Variants in CNKSR3 observed in about 807,000 individuals in gnomAD.
The protein encoded by CNKSR3 is CNKSR family member 3.
A neutral mutation model predicts 67.7 loss-of-function variants in CNKSR3; 36 were observed. The ratio of observed to expected loss-of-function variants is 0.53; its 90% CI spans 0.41 to 0.70. The LOEUF is 0.70. Ranked by LOEUF, CNKSR3 falls within the 30% of genes least tolerant of loss-of-function variation. The pLI is 0.00. For synonymous variants in CNKSR3, 281 were observed against 271.4 expected (o/e 1.04, Z -0.35); for missense variants, 630 against 695.2 (o/e 0.91, Z 1.05).
intron 4 of CNKSR3, among the ~76,000 whole-genome samples, chr6:154,437,357 G>A (rs1219745232): frequency 6.7e-6 from 1 of 149,252 alleles, no homozygotes; most frequent in Non-Finnish European, 1.5e-5. Context: ...TAATTTGTAT[G>A]TATCTGAGCG....
intron 1 of CNKSR3, among the ~76,000 whole-genome samples, chr6:154,480,353 T>G (rs1237121125): frequency 6.6e-6 from 1 of 152,116 alleles, no homozygotes; most frequent in Non-Finnish European, 1.5e-5. Context: ...TACCATTGAG[T>G]GCTAGAGTGA....
In CNKSR3 at chr6:154,403,758, C is replaced by T. The variant is rs1364934289; in HGVS notation, c.*2596G>A. 1.3e-5 allele frequency: 2 copies of T among 152,162 alleles called. No homozygotes were observed. The highest frequency in any genetic ancestry group is 4.8e-5 in the African/African-American group (2 of 41,424). The allele number at this position is 152,162 out of a possible 1,614,324, so 9.4% of individuals were successfully genotyped here. A position where few individuals can be genotyped will look rare whatever the true frequency, so the allele number is the denominator to read the frequency against. ...ACTCCAGGGAACAAAGGCTGAAAAGCACCAATCTGGTTGGCCACTGCCTAT... is the reference window on the plus strand; with the variant it reads ...ACTCCAGGGAACAAAGGCTGAAAAGTACCAATCTGGTTGGCCACTGCCTAT... On this transcript the variant is annotated 3_prime_UTR_variant, in exon 13 of 13. Transcript: ENST00000607772.
rs1422987163 is a variant in CNKSR3 at position 154,393,546 on chromosome 6, T to G, written c.*12808A>C. Reference sequence around the variant, plus strand: ...CTCTTGCCAATTTGTAATAATTATATGTATATATTCTTACTGCTAACCCTT... The same window carrying G: ...CTCTTGCCAATTTGTAATAATTATAGGTATATATTCTTACTGCTAACCCTT... On this transcript the variant is annotated 3_prime_UTR_variant, in exon 13 of 13. Transcript: ENST00000607772. 3 of 152,266 alleles carry G rather than the reference T, an allele frequency of 2.0e-5. No individual in the cohort carries two copies. Among genetic ancestry groups the G allele is most frequent in the Non-Finnish European group, 2.9e-5 (2 of 68,054 alleles). 9.4% of individuals were successfully genotyped at this position (152,266 alleles called of 1,614,324 possible). A position where few individuals can be genotyped will look rare whatever the true frequency, so the allele number is the denominator to read the frequency against.
In CNKSR3 at chr6:154,404,289, T is replaced by G. The variant is rs974674449; in HGVS notation, c.*2065A>C. On this transcript the variant is annotated 3_prime_UTR_variant, in exon 13 of 13. Transcript: ENST00000607772. ...ATCTTGGCTCACTACAACCTCCGCC[T>G]CCAGGGTTCAAGTGATTCTCCTGCC... 2.6e-5 allele frequency: 4 copies of G among 152,370 alleles called. No individual in the cohort carries two copies. The highest frequency in any genetic ancestry group is 5.9e-5 in the Non-Finnish European group (4 of 68,302). 9.4% of individuals were successfully genotyped at this position (152,370 alleles called of 1,614,324 possible). A position where few individuals can be genotyped will look rare whatever the true frequency, so the allele number is the denominator to read the frequency against.
In CNKSR3 at chr6:154,486,464, T is replaced by TTTTTATTTTATTTTATTTTA. The variant is rs370678999; in HGVS notation, c.52+23579_52+23598dup. On this transcript the variant is annotated intron_variant, in intron 1 of 12. Transcript: ENST00000607772. Reference sequence around the variant, plus strand: ...GGCACGGGCCACCACGCCCAGCTAATTTTTATTTTATTTTATTTTATTTTA... The same window carrying TTTTTATTTTATTTTATTTTA: ...GGCACGGGCCACCACGCCCAGCTAATTTTTATTTTATTTTATTTTATTTTATTTTATTTTATTTTATTTTA... Among the ~76,000 whole-genome samples the TTTTTATTTTATTTTATTTTA allele has an allele frequency of 4.1e-5, 6 of 146,376 alleles. 1 individual carries two copies. The highest frequency in any genetic ancestry group is 1.6e-4 in the African/African-American group (6 of 36,808).
intron 1 of CNKSR3, among the ~76,000 whole-genome samples, chr6:154,487,170 A>G (rs956664624): frequency 6.6e-6 from 1 of 152,194 alleles, no homozygotes; most frequent in Non-Finnish European, 1.5e-5. Flanking sequence ...CCTCTCACCA[A>G]TGGGCAGTTT....
chr6:154,499,511 G>C (rs1006103537), intron 1 of CNKSR3, among the ~76,000 whole-genome samples: 4 of 152,218 alleles, frequency 2.6e-5, no homozygotes, highest in Non-Finnish European at 5.9e-5. Flanking sequence ...CAAGAACAAT[G>C]GTGACAGGAT....
At chr6:154,450,355 A>C in intron 1 of CNKSR3, 97 bp from the exon 2 acceptor site, 1 of 1,224,358 alleles carries the variant, frequency 8.2e-7, no homozygotes, top group Non-Finnish European at 1.2e-6. Context: ...AGCAATCAAC[A>C]ATTATGATGC....
At position 154,441,393 on chromosome 6, in the gene CNKSR3, A is replaced by T. The variant is rs1246210132; in HGVS notation, c.420-14T>A. On this transcript the variant is annotated splice_polypyrimidine_tract_variant and intron_variant, in intron 3 of 12. Transcript: ENST00000607772. ...GTAAACGGAGCCCTAGAAGGTAGCA[A>T]CAATCCTCTTAAAAAGGGGTAGGGA... 1 of 1,603,000 alleles carries T rather than the reference A, an allele frequency of 6.2e-7. No individual in the cohort carries two copies. The highest frequency in any genetic ancestry group is 8.5e-7 in the Non-Finnish European group (1 of 1,170,372).
chr6:154,480,473 G>GT (rs1251198388), intron 1 of CNKSR3, among the ~76,000 whole-genome samples: 1 of 152,212 alleles, frequency 6.6e-6, no homozygotes, highest in Non-Finnish European at 1.5e-5. Flanking sequence ...GGCAGGTAAA[G>GT]CCTTTGAGAG....
intron 1 of CNKSR3, among the ~76,000 whole-genome samples, chr6:154,505,926 C>G (rs139642354): frequency 3.1e-4 from 47 of 152,262 alleles, no homozygotes; most frequent in African/African-American, 1.1e-3. Flanking sequence ...CTTTTTAAAG[C>G]AGAAAAACGA....
intron 1 of CNKSR3, among the ~76,000 whole-genome samples, chr6:154,493,516 T>G (rs1475710018): frequency 6.6e-6 from 1 of 152,212 alleles, no homozygotes; most frequent in African/African-American, 2.4e-5. Context: ...CCAGCCTTAG[T>G]GGAAGTGCCA....
intron 1 of CNKSR3, among the ~76,000 whole-genome samples, chr6:154,495,638 G>A (rs2114653733): frequency 6.6e-6 from 1 of 151,720 alleles, no homozygotes; most frequent in South Asian, 2.1e-4. Context: ...GCCTCTCAAA[G>A]TGCTGGGATT....
intron 2 of CNKSR3, among the ~76,000 whole-genome samples, chr6:154,443,563 G>C (rs1022947075): frequency 5.8e-4 from 89 of 152,266 alleles, no homozygotes; most frequent in African/African-American, 2.1e-3. Flanking sequence ...CAGAAGCAGG[G>C]CTCTGTGAGT....
intron 5 of CNKSR3, among the ~76,000 whole-genome samples, chr6:154,432,103 C>A (rs1422650831): frequency 1.3e-5 from 2 of 152,232 alleles, no homozygotes; most frequent in Non-Finnish European, 2.9e-5. Context: ...AAACTGCCTG[C>A]ACCATTTTGC....
At chr6:154,437,007 G>A (rs1166552451) in intron 4 of CNKSR3, among the ~76,000 whole-genome samples, 1 of 152,094 alleles carries the variant, frequency 6.6e-6, no homozygotes, top group Non-Finnish European at 1.5e-5. Flanking sequence ...AGAGATGGAT[G>A]GAAGGAAGGA....
Position 154,394,686 on chromosome 6 carries a change from AGTG to A in CNKSR3, c.*11665_*11667del. On this transcript the variant is annotated 3_prime_UTR_variant, in exon 13 of 13. Coordinates refer to ENST00000607772, the MANE Select transcript of CNKSR3 (RefSeq NM_173515.4). The stretch of plus-strand genomic sequence containing the variant: ...AAATAGAAAATAAAAAGCAGAAATC[AGTG>A]AAATTGAAAACAAAGAAACAACAGA... 1 of 151,974 alleles carries A rather than the reference AGTG, an allele frequency of 6.6e-6. No homozygotes were observed. Among genetic ancestry groups the A allele is most frequent in the Non-Finnish European group, 1.5e-5 (1 of 67,998 alleles). The allele number at this position is 151,974 out of a possible 1,614,324, so 9.4% of individuals were successfully genotyped here.
chr6:154,430,163 T>C (rs1024830601), intron 6 of CNKSR3, among the ~76,000 whole-genome samples: 2 of 152,250 alleles, frequency 1.3e-5, no homozygotes, highest in Non-Finnish European at 2.9e-5. Context: ...ATGTTATTTT[T>C]GTACCCAGAG....
At chr6:154,469,011 G>T (rs921766430) in intron 1 of CNKSR3, among the ~76,000 whole-genome samples, 7 of 152,146 alleles carry the variant, frequency 4.6e-5, no homozygotes, top group Non-Finnish European at 8.8e-5. Context: ...ACAGAGCAAG[G>T]CCTCATCTCT....
Sources: allele counts gnomAD v4.1 joint callset (sites outside exome capture counted in the v4.1 genomes callset), GRCh38; gene constraint gnomAD v4.1.1; transcripts MANE v1.5; gene names NCBI Gene and HGNC (gene_info 2026-07-23, HGNC 2026-07-21).